Variants in ADARB2 observed in about 807,000 individuals in gnomAD.
The protein encoded by ADARB2 is inactive double-stranded RNA-specific editase B2.
Under a neutral mutation model 62.2 loss-of-function variants are expected in ADARB2, and 25 were observed. The observed-to-expected ratio is 0.40, with a 90% CI of 0.29 to 0.56. The LOEUF is 0.56. Among genes scored for constraint, ADARB2 ranks in the 20% least tolerant of loss-of-function variants. The pLI is 0.43. For synonymous variants in ADARB2, 572 were observed against 500.8 expected (o/e 1.14, Z -1.90); for missense variants, 1,071 against 1,077.4 (o/e 0.99, Z 0.08).
At chr10:1,365,749 T>C (rs1021384603) in intron 2 of ADARB2, among the ~76,000 whole-genome samples, 9 of 152,172 alleles carry the variant, frequency 5.9e-5, no homozygotes, top group Admixed American at 5.9e-4. Context: ...ACTCAGCAAT[T>C]CTGCCACTGG....
chr10:1,462,733 G>C (rs1424100176), intron 1 of ADARB2, among the ~76,000 whole-genome samples: 1 of 152,078 alleles, frequency 6.6e-6, no homozygotes, highest in African/African-American at 2.4e-5. Flanking sequence ...GTGCATGTGT[G>C]TATGTGCCTG....
At chr10:1,259,219 C>T (rs948658892) in intron 4 of ADARB2, among the ~76,000 whole-genome samples, 1 of 152,124 alleles carries the variant, frequency 6.6e-6, no homozygotes, top group Non-Finnish European at 1.5e-5. Flanking sequence ...AATTGGCACC[C>T]TAACATCACA....
At chr10:1,525,809 G>C (rs955969066) in intron 1 of ADARB2, among the ~76,000 whole-genome samples, 1 of 152,100 alleles carries the variant, frequency 6.6e-6, no homozygotes, top group Non-Finnish European at 1.5e-5. Flanking sequence ...GCGTATGTGA[G>C]CATGTACGTG....
At chr10:1,524,683 C>T (rs527569148) in intron 1 of ADARB2, among the ~76,000 whole-genome samples, 1 of 152,292 alleles carries the variant, frequency 6.6e-6, no homozygotes, top group East Asian at 1.9e-4. Flanking sequence ...ATTACGAGAA[C>T]AGCACAGCCC....
At chr10:1,605,231 G>A (rs924691960) in intron 1 of ADARB2, among the ~76,000 whole-genome samples, 1 of 152,216 alleles carries the variant, frequency 6.6e-6, no homozygotes, top group African/African-American at 2.4e-5. Context: ...TGTGGCCTCA[G>A]TGGGTCCCTG....
At chr10:1,531,388 G>T (rs903919174) in intron 1 of ADARB2, among the ~76,000 whole-genome samples, 5 of 152,152 alleles carry the variant, frequency 3.3e-5, no homozygotes, top group African/African-American at 2.4e-5. Flanking sequence ...ATCTTTCTGG[G>T]CCTCTGGCTG....
rs560633644 is a variant in ADARB2 at position 1,734,791 on chromosome 10, G to C, written c.100+2260C>G. ...GATTTTAAATTGTGGCAAGTATAGA[G>C]TTTTAATATCAGATAAGCTTAAAAT... On this transcript the variant is annotated intron_variant, in intron 1 of 9. Coordinates refer to ENST00000381312, the MANE Select transcript of ADARB2 (RefSeq NM_018702.4). 2.2e-4 allele frequency among the ~76,000 whole-genome samples: 34 copies of C among 152,270 alleles called. No individual in the cohort carries two copies. In the South Asian group the frequency reaches 6.0e-3, roughly 27 times the overall value.
intron 3 of ADARB2, among the ~76,000 whole-genome samples, chr10:1,321,497 C>T (rs185337200): frequency 1.5e-4 from 23 of 152,284 alleles, no homozygotes; most frequent in African/African-American, 5.1e-4. Flanking sequence ...CCTCCCGCCT[C>T]AGCCTCCTGA....
chr10:1,652,197 G>A (rs957153369), intron 1 of ADARB2, among the ~76,000 whole-genome samples: 5 of 152,148 alleles, frequency 3.3e-5, no homozygotes, highest in African/African-American at 7.2e-5. Context: ...GCCACCTCAC[G>A]CCCTGCAGCA....
At chr10:1,244,942 A>G (rs1239289426) in intron 4 of ADARB2, among the ~76,000 whole-genome samples, 1 of 152,226 alleles carries the variant, frequency 6.6e-6, no homozygotes, top group African/African-American at 2.4e-5. Flanking sequence ...CGAAGCTTCA[A>G]AGGTGGGTGG....
chr10:1,268,220 CAAG>C (rs1831225191), intron 4 of ADARB2, among the ~76,000 whole-genome samples: 1 of 151,978 alleles, frequency 6.6e-6, no homozygotes, highest in Non-Finnish European at 1.5e-5. Context: ...CTTAGAATCA[CAAG>C]AAAAAAATTT....
At chr10:1,271,605 C>T (rs181471045) in intron 3 of ADARB2, among the ~76,000 whole-genome samples, 24 of 152,286 alleles carry the variant, frequency 1.6e-4, no homozygotes, top group African/African-American at 4.6e-4. Context: ...CTAGGGCACA[C>T]GTGCACACAC....
chr10:1,713,618 G>A (rs1381416716), intron 1 of ADARB2, among the ~76,000 whole-genome samples: 1 of 152,134 alleles, frequency 6.6e-6, no homozygotes, highest in Non-Finnish European at 1.5e-5. Flanking sequence ...AAAAGCAATG[G>A]GAAGAGAGTG....
At chr10:1,502,942 ATTCAT>A (rs773389257) in intron 1 of ADARB2, among the ~76,000 whole-genome samples, 54 of 152,292 alleles carry the variant, frequency 3.5e-4, no homozygotes, top group Middle Eastern at 3.4e-3. Context: ...TCACCATCTT[ATTCAT>A]TTCCTTATTT....
intron 7 of ADARB2, among the ~76,000 whole-genome samples, chr10:1,205,392 G>A (rs903813144): frequency 6.8e-5 from 7 of 103,552 alleles, no homozygotes; most frequent in African/African-American, 2.0e-4. Flanking sequence ...GGGAGCCCGT[G>A]GCACAGCCTG....
chr10:1,201,733 C>T (rs199736770), intron 7 of ADARB2, among the ~76,000 whole-genome samples: 107 of 140,530 alleles, frequency 7.6e-4, no homozygotes, highest in African/African-American at 2.4e-3. Flanking sequence ...CATTCCACAG[C>T]GTGTCTGCCT....
At chr10:1,356,243 G>A (rs1288471905) in intron 3 of ADARB2, among the ~76,000 whole-genome samples, 1 of 152,172 alleles carries the variant, frequency 6.6e-6, no homozygotes, top group Non-Finnish European at 1.5e-5. Context: ...AGGATGGTGT[G>A]TGTGGCCACA....
chr10:1,426,674 G>C lies in ADARB2; in HGVS notation c.101-47514C>G, dbSNP rs1314902550. Among the ~76,000 whole-genome samples, 2 of 152,152 alleles carry C rather than the reference G, an allele frequency of 1.3e-5. No individual in the cohort carries two copies. Among genetic ancestry groups the C allele is most frequent in the East Asian group, 3.9e-4 (2 of 5,166 alleles). On this transcript the variant is annotated intron_variant, in intron 1 of 9. Transcript: ENST00000381312. This position sits in a 1 kb window ranked among gnomAD's most constrained non-coding sequence, Gnocchi z 4.1. ...GATGGAGCTGAGCTTCTGAGACTCG[G>C]AGACCAGTGAACCTGCTTGCCACCC...
chr10:1,507,991 G>T (rs1226378714), intron 1 of ADARB2, among the ~76,000 whole-genome samples: 2 of 152,132 alleles, frequency 1.3e-5, no homozygotes, highest in East Asian at 1.9e-4. Flanking sequence ...CTGGTCCAAG[G>T]TTCCACAATT....
Sources: gnomAD v4.1 joint callset for allele counts (sites outside exome capture counted in the v4.1 genomes callset) on GRCh38, gnomAD v4.1.1 for gene constraint, Gnocchi (gnomAD v3.1) non-coding constraint, MANE v1.5 for transcripts, NCBI Gene and HGNC (gene_info 2026-07-23, HGNC 2026-07-21) for gene names.